PRPSAP1: variants seen among roughly 807,000 people sequenced by gnomAD.
The protein encoded by PRPSAP1 is phosphoribosyl pyrophosphate synthetase associated protein 1.
A neutral mutation model predicts 39.4 loss-of-function variants in PRPSAP1; 31 were observed. The ratio of observed to expected loss-of-function variants is 0.79; its 90% CI spans 0.59 to 1.06. The LOEUF (loss-of-function observed/expected upper bound fraction) is 1.06, where lower values mean the gene tolerates loss of function less well. Ranked by LOEUF, PRPSAP1 falls within the 50% of genes least tolerant of loss-of-function variation. The pLI is 0.00. For synonymous variants in PRPSAP1, 212 were observed against 192.6 expected (o/e 1.10, Z -0.83); for missense variants, 430 against 511.6 (o/e 0.84, Z 1.54).
intron 7 of PRPSAP1, among the ~76,000 whole-genome samples, chr17:76,320,668 C>T (rs1419710585): frequency 6.6e-6 from 1 of 151,354 alleles, no homozygotes; most frequent in Admixed American, 6.6e-5. Context: ...CTCCTGACCT[C>T]AGCTGATGCA....
At chr17:76,316,964 T>C (rs2071131315) in intron 7 of PRPSAP1, among the ~76,000 whole-genome samples, 2 of 139,652 alleles carry the variant, frequency 1.4e-5, no homozygotes, top group Admixed American at 7.3e-5. Context: ...TCTGCTAAAG[T>C]AAACAGCAAA....
At chr17:76,352,644 C>CAAAAAAAA (rs55986677) in intron 1 of PRPSAP1, among the ~76,000 whole-genome samples, 11 of 53,570 alleles carry the variant, frequency 2.1e-4, no homozygotes, top group African/African-American at 5.3e-4. Flanking sequence ...GACTCCGTCT[C>CAAAAAAAA]AAAAAAAAAA....
intron 1 of PRPSAP1, among the ~76,000 whole-genome samples, chr17:76,349,771 T>C (rs2071547963): frequency 6.6e-6 from 1 of 151,082 alleles, no homozygotes; most frequent in Non-Finnish European, 1.5e-5. Flanking sequence ...CAAAAAATAA[T>C]AATAAAAAAA....
chr17:76,335,419 G>A lies in PRPSAP1; in HGVS notation c.291-2984C>T, dbSNP rs548531775. On this transcript the variant is annotated intron_variant, in intron 3 of 9. Coordinates refer to ENST00000446526, the MANE Select transcript of PRPSAP1 (RefSeq NM_002766.3). Reference sequence around the variant, plus strand: ...CACCCAGGCTGGAGTGTAATGGTGCGATCTCAGCTCACTGCAACCTCTGCC... The same window carrying A: ...CACCCAGGCTGGAGTGTAATGGTGCAATCTCAGCTCACTGCAACCTCTGCC... Among the ~76,000 whole-genome samples the A allele has an allele frequency of 1.8e-3, 270 of 152,034 alleles. 4 individuals carry two copies. Among genetic ancestry groups the A allele is most frequent in the African/African-American group, 5.9e-3 (246 of 41,488 alleles).
intron 3 of PRPSAP1, among the ~76,000 whole-genome samples, chr17:76,342,637 G>T (rs2071451757): frequency 6.6e-6 from 1 of 151,326 alleles, no homozygotes; most frequent in South Asian, 2.1e-4. Flanking sequence ...GGATCGCTTT[G>T]AGTTCAGGAG....
chr17:76,345,903 GAGA>G (rs1365728353), intron 2 of PRPSAP1: 5 of 431,442 alleles, frequency 1.2e-5, no homozygotes, highest in South Asian at 5.3e-5. Flanking sequence ...ACGAACCACA[GAGA>G]AGATCTGTGA....
chr17:76,311,931 T>C (rs56047430), intron 9 of PRPSAP1, among the ~76,000 whole-genome samples: 19,431 of 152,116 alleles, frequency 0.13, 2,923 homozygotes, highest in African/African-American at 0.37. Flanking sequence ...ATGGTCTCCA[T>C]GCAGAAACAC....
At chr17:76,335,662 T>C (rs988746913) in intron 3 of PRPSAP1, among the ~76,000 whole-genome samples, 3 of 152,066 alleles carry the variant, frequency 2.0e-5, no homozygotes, top group Non-Finnish European at 4.4e-5. Flanking sequence ...CAGGCTCAAG[T>C]AGTGGGTTTT....
intron 8 of PRPSAP1, chr17:76,313,589 G>A (rs1296630912): frequency 4.0e-6 from 2 of 497,162 alleles, no homozygotes; most frequent in Non-Finnish European, 7.2e-6. Context: ...GAAGGTGAAG[G>A]TGCTGAATTT....
chr17:76,332,505 T>C (rs1307627600), intron 3 of PRPSAP1, 70 bp from the exon 4 acceptor site: 2 of 1,560,176 alleles, frequency 1.3e-6, no homozygotes, highest in Non-Finnish European at 1.7e-6. Context: ...CTTGACTTTA[T>C]CAACTTAACA....
chr17:76,328,584 G>A (rs1171016110), intron 7 of PRPSAP1, 133 bp downstream of exon 7: 2 of 1,178,956 alleles, frequency 1.7e-6, no homozygotes, highest in African/African-American at 3.1e-5. Context: ...ACTCTAGCCT[G>A]GGTGACAGAG....
At chr17:76,350,867 T>C (rs776072250) in intron 1 of PRPSAP1, among the ~76,000 whole-genome samples, 12 of 152,040 alleles carry the variant, frequency 7.9e-5, no homozygotes, top group Admixed American at 2.0e-4. Context: ...ACCCCGTCTC[T>C]ACTAAAAACA....
At chr17:76,313,062 G>A (rs2071086665) in intron 8 of PRPSAP1, 46 bp from the exon 9 acceptor site, 1 of 1,592,920 alleles carries the variant, frequency 6.3e-7, no homozygotes, top group Admixed American at 1.7e-5. Flanking sequence ...ACACCCTCTA[G>A]CCCATACTGT....
At chr17:76,335,983 C>CA (rs1355387005) in intron 3 of PRPSAP1, among the ~76,000 whole-genome samples, 6 of 151,862 alleles carry the variant, frequency 4.0e-5, no homozygotes, top group Admixed American at 3.9e-4. Context: ...CCCCATCTCT[C>CA]AAAAAACACA....
chr17:76,350,670 T>C (rs2071558521), intron 1 of PRPSAP1, among the ~76,000 whole-genome samples: 1 of 152,060 alleles, frequency 6.6e-6, no homozygotes, highest in African/African-American at 2.4e-5. Flanking sequence ...GTTCTGGAAA[T>C]GAATAGTGGT....
chr17:76,341,231 TTTG>T (rs1303755897), intron 3 of PRPSAP1, among the ~76,000 whole-genome samples: 56 of 101,556 alleles, frequency 5.5e-4, no homozygotes, highest in African/African-American at 2.0e-3. Flanking sequence ...TTGACTTTTT[TTTG>T]TTTTTTTTTT....
At chr17:76,318,137 G>A (rs942313101) in intron 7 of PRPSAP1, among the ~76,000 whole-genome samples, 1 of 152,088 alleles carries the variant, frequency 6.6e-6, no homozygotes, top group East Asian at 1.9e-4. Flanking sequence ...CTCACCCATG[G>A]GCAAGAAGTA....
chr17:76,334,034 A>T (rs2071353878), intron 3 of PRPSAP1, among the ~76,000 whole-genome samples: 1 of 152,214 alleles, frequency 6.6e-6, no homozygotes, highest in African/African-American at 2.4e-5. Flanking sequence ...GATTACAGGC[A>T]TGCGCCACCA....
chr17:76,321,489 C>A (rs1006540612), intron 7 of PRPSAP1, among the ~76,000 whole-genome samples: 19 of 151,624 alleles, frequency 1.3e-4, no homozygotes, highest in Non-Finnish European at 1.3e-4. Flanking sequence ...TGCAGTGAGC[C>A]GAGAGCCAGA....
Sources: gnomAD v4.1 joint callset for allele counts (sites outside exome capture counted in the v4.1 genomes callset) on GRCh38, gnomAD v4.1.1 for gene constraint, MANE v1.5 for transcripts, NCBI Gene and HGNC (gene_info 2026-07-23, HGNC 2026-07-21) for gene names.